TBX18: variants seen among roughly 807,000 people sequenced by gnomAD.
TBX18 encodes T-box transcription factor 18.
Under a neutral mutation model 55.0 loss-of-function variants are expected in TBX18, and 21 were observed. The ratio of observed to expected loss-of-function variants is 0.38; its 90% CI spans 0.27 to 0.55. The LOEUF (loss-of-function observed/expected upper bound fraction) is 0.55, where lower values mean the gene tolerates loss of function less well. Ranked by LOEUF, TBX18 falls within the 20% of genes least tolerant of loss-of-function variation. The pLI is 0.73. For synonymous variants in TBX18, 342 were observed against 326.1 expected (o/e 1.05, Z -0.53); for missense variants, 840 against 799.6 (o/e 1.05, Z -0.61).
chr6:84,756,883 A>C lies in TBX18; in HGVS notation c.600-14T>G, dbSNP rs1414636023. ...TGGTAAACATACCTAGAAGGCAATGACCAGGCGTTCAGTATACTGTTTTTA... is the reference window on the plus strand; with the variant it reads ...TGGTAAACATACCTAGAAGGCAATGCCCAGGCGTTCAGTATACTGTTTTTA... On this transcript the variant is annotated splice_polypyrimidine_tract_variant and intron_variant, in intron 3 of 7. Coordinates refer to ENST00000369663, the MANE Select transcript of TBX18 (RefSeq NM_001080508.3). 5 of 1,613,178 alleles carry C rather than the reference A, an allele frequency of 3.1e-6. No individual in the cohort carries two copies. Among genetic ancestry groups the C allele is most frequent in the South Asian group, 2.2e-5 (2 of 90,976 alleles).
At chr6:84,749,118 T>C (rs1278791230) in intron 4 of TBX18, among the ~76,000 whole-genome samples, 1 of 152,220 alleles carries the variant, frequency 6.6e-6, no homozygotes, top group Non-Finnish European at 1.5e-5. Flanking sequence ...GTATGTTCTA[T>C]GCTTTCAAGG....
At chr6:84,752,954 GT>G (rs1202319135) in intron 4 of TBX18, among the ~76,000 whole-genome samples, 1 of 152,116 alleles carries the variant, frequency 6.6e-6, no homozygotes, top group Non-Finnish European at 1.5e-5. Context: ...TCAACTACAT[GT>G]TTTCCCTCAG....
rs924714791 is a variant in TBX18, at chr6:84,762,633, C to T, written c.408G>A (p.Pro136=). The stretch of plus-strand genomic sequence containing the variant: ...CCTGCAGATCCACCCGCGGGGCCTG[C>T]GGCGAGGGCAGAGGGGTCCCGGGCC... ...LARPGTPLPS[P]QAPRVDLQGA... Residue 136 remains proline (P), a synonymous_variant, in exon 2 of 8, where the codon CCG becomes CCA. Coordinates refer to ENST00000369663, the MANE Select transcript of TBX18 (RefSeq NM_001080508.3). The T allele has an allele frequency of 1.2e-6, 2 of 1,612,012 alleles. No individual in the cohort carries two copies. Among genetic ancestry groups the T allele is most frequent in the African/African-American group, 2.7e-5 (2 of 74,892 alleles).
intron 5 of TBX18, among the ~76,000 whole-genome samples, chr6:84,744,768 T>C (rs1399229905): frequency 1.3e-5 from 2 of 152,182 alleles, no homozygotes; most frequent in Non-Finnish European, 2.9e-5. Context: ...ATTTAAATGT[T>C]GTTAAGCTCC....
In TBX18 at chr6:84,763,926, C is replaced by T. The variant is rs746692131; in HGVS notation, c.256G>A (p.Ala86Thr). The T allele has an allele frequency of 2.1e-5, 33 of 1,571,058 alleles. No homozygotes were observed. The highest frequency in any genetic ancestry group is 2.7e-5 in the Non-Finnish European group (31 of 1,164,780). ...PPPAGATSGP[A>T]RSGADLERGA... The stretch of plus-strand genomic sequence containing the variant: ...CGCTCCAGGTCTGCGCCACTCCGAG[C>T]CGGCCCAGACGTCGCCCCAGCCGGC... The change falls in exon 1 of 8, where the codon GCT becomes ACT. Residue 86 changes from alanine to threonine, a missense_variant. By Grantham distance (58) the Ala-to-Thr change is moderately conservative. Transcript: ENST00000369663.
chr6:84,736,936 T>C lies in TBX18; in HGVS notation c.1573A>G (p.Ser525Gly), dbSNP rs2127870582. Residue 525 changes from serine to glycine, a missense_variant, in exon 8 of 8, where the codon AGC becomes GGC. By Grantham distance (56) the Ser-to-Gly change is moderately conservative. Transcript: ENST00000369663. ...TTATATCCATATAGTGCACAGGGGC[T>C]GTGTAATCTAAAAGTATTATAGGAA... The part of the protein sequence containing the change: ...QGSYNTFRLH[S>G]PCALYGYNFS... 2 of 1,610,140 alleles carry C rather than the reference T, an allele frequency of 1.2e-6. No homozygotes were observed. Among genetic ancestry groups the C allele is most frequent in the Non-Finnish European group, 1.7e-6 (2 of 1,177,480 alleles).
intron 5 of TBX18, among the ~76,000 whole-genome samples, chr6:84,746,608 TTTA>T (rs1393586959): frequency 4.1e-5 from 6 of 147,004 alleles, no homozygotes; most frequent in South Asian, 2.1e-4. Context: ...ATCTTATATA[TTTA>T]TTATATTAAA....
chr6:84,737,760 G>A (rs1402722866), intron 7 of TBX18, among the ~76,000 whole-genome samples: 1 of 152,156 alleles, frequency 6.6e-6, no homozygotes, highest in East Asian at 1.9e-4. Context: ...GAACTTAAGG[G>A]GAGAGGAGAA....
rs1773896192 is a variant in TBX18 at position 84,734,813 on chromosome 6, A to T, written c.*1872T>A. 1 of 152,214 alleles carries T rather than the reference A, an allele frequency of 6.6e-6. No individual in the cohort carries two copies. Among genetic ancestry groups the T allele is most frequent in the African/African-American group, 2.4e-5 (1 of 41,434 alleles). The allele number at this position is 152,214 out of a possible 1,614,324, so 9.4% of individuals were successfully genotyped here. A position where few individuals can be genotyped will look rare whatever the true frequency, so the allele number is the denominator to read the frequency against. On this transcript the variant is annotated 3_prime_UTR_variant, in exon 8 of 8. Transcript: ENST00000369663. Reference sequence around the variant, plus strand: ...TATTGGCTGAGATGGACTCATTCTTAACACCTTTCCCCAAATCTTTGTCAA... The same window carrying T: ...TATTGGCTGAGATGGACTCATTCTTTACACCTTTCCCCAAATCTTTGTCAA...
rs1773873802 is a variant in TBX18 at position 84,734,069 on chromosome 6, C to T, written c.*2616G>A. 6.6e-6 allele frequency: 1 copy of T among 152,174 alleles called. No homozygotes were observed. Among genetic ancestry groups the T allele is most frequent in the South Asian group, 2.1e-4 (1 of 4,826 alleles). 9.4% of individuals were successfully genotyped at this position (152,174 alleles called of 1,614,324 possible). ...CTTGATAGCAGCAACCTCACCCCAT[C>T]GCGATGTCCCTTGGAATGTTTACTA... On this transcript the variant is annotated 3_prime_UTR_variant, in exon 8 of 8. Coordinates refer to ENST00000369663, the MANE Select transcript of TBX18 (RefSeq NM_001080508.3).
intron 4 of TBX18, among the ~76,000 whole-genome samples, chr6:84,753,386 C>T (rs1186664449): frequency 1.3e-5 from 2 of 151,332 alleles, no homozygotes; most frequent in Non-Finnish European, 1.5e-5. Context: ...TCTCAAGTCA[C>T]TATGCTGCAC....
chr6:84,744,843 G>A (rs1247297161), intron 5 of TBX18, among the ~76,000 whole-genome samples: 8 of 151,970 alleles, frequency 5.3e-5, no homozygotes, highest in Non-Finnish European at 1.0e-4. Context: ...TTCTGTCTCT[G>A]TATTTTTCTT....
At chr6:84,740,358 C>T (rs1271241300) in intron 6 of TBX18, among the ~76,000 whole-genome samples, 1 of 152,148 alleles carries the variant, frequency 6.6e-6, no homozygotes, top group Non-Finnish European at 1.5e-5. Context: ...TTGCTAATCT[C>T]CCTGGACTTC....
At chr6:84,738,374 G>T in intron 7 of TBX18, 123 bp downstream of exon 7, 1 of 813,732 alleles carries the variant, frequency 1.2e-6, no homozygotes, top group African/African-American at 1.7e-5. Flanking sequence ...GATGGAATCT[G>T]TAGGACAATG....
chr6:84,761,772 A>T (rs956709351), intron 2 of TBX18, among the ~76,000 whole-genome samples: 1 of 152,188 alleles, frequency 6.6e-6, no homozygotes, highest in African/African-American at 2.4e-5. Context: ...TATTTTACTA[A>T]CCAATGGATG....
intron 4 of TBX18, among the ~76,000 whole-genome samples, chr6:84,752,039 A>G (rs931822340): frequency 2.0e-5 from 3 of 152,220 alleles, no homozygotes; most frequent in Admixed American, 2.0e-4. Flanking sequence ...GTGATGTGTA[A>G]TGTTCAGTGC....
intron 5 of TBX18, 107 bp from the exon 6 acceptor site, chr6:84,744,432 T>C (rs1767128240): frequency 2.3e-6 from 2 of 873,166 alleles, no homozygotes; most frequent in South Asian, 1.6e-5. Context: ...GAGGACTCTA[T>C]TGTATAAGCC....
rs2127871975 is a variant in TBX18, at chr6:84,739,735, C to A, written c.1005-1144G>T. The stretch of plus-strand genomic sequence containing the variant: ...CCAAGTCATAACCTGCAAACTAAGA[C>A]TAGAGGAATCCACCCCAGAGAGTCA... On this transcript the variant is annotated intron_variant, in intron 6 of 7. Coordinates refer to ENST00000369663, the MANE Select transcript of TBX18 (RefSeq NM_001080508.3). Among the ~76,000 whole-genome samples the A allele has an allele frequency of 2.0e-5, 3 of 152,268 alleles. No homozygotes were observed. In the Middle Eastern group the frequency reaches 0.01, roughly 518 times the overall value.
rs1766887545 is a variant in TBX18, at chr6:84,737,058, C to G, written c.1451G>C (p.Ser484Thr). The stretch of plus-strand genomic sequence containing the variant: ...CATTCCCGAAATCTGCATGGATAAG[C>G]TGGTCTGTGGGCAGCTGAAGGTGTC... ...DGDTFSCPQT[S>T]LSMQISGMSP... Residue 484 changes from serine to threonine, a missense_variant, in exon 8 of 8, where the codon AGC (serine) becomes ACC (threonine). Transcript: ENST00000369663. The G allele has an allele frequency of 1.2e-6, 2 of 1,614,056 alleles. No individual in the cohort carries two copies. The highest frequency in any genetic ancestry group is 1.3e-5 in the African/African-American group (1 of 74,926).
Sources: allele counts gnomAD v4.1 joint callset (sites outside exome capture counted in the v4.1 genomes callset), GRCh38; gene constraint gnomAD v4.1.1; transcripts MANE v1.5; gene names NCBI Gene and HGNC (gene_info 2026-07-23, HGNC 2026-07-21).